THSD7B: variants seen among roughly 807,000 people sequenced by gnomAD.
THSD7B encodes the protein thrombospondin type-1 domain-containing protein 7B.
A neutral mutation model predicts 213.6 loss-of-function variants in THSD7B; 138 were observed. The ratio of observed to expected loss-of-function variants is 0.65; its 90% confidence interval spans 0.56 to 0.74. The LOEUF (loss-of-function observed/expected upper bound fraction) is 0.74. Ranked by LOEUF, THSD7B falls within the 30% of genes least tolerant of loss-of-function variation. The pLI, the probability that THSD7B is intolerant of heterozygous loss-of-function variation, is 0.00. For synonymous variants in THSD7B, 742 were observed against 687.0 expected, an observed-to-expected ratio of 1.08 and a Z score of -1.25; for missense variants, 1,931 against 1,991.5, an observed-to-expected ratio of 0.97 and a Z score of 0.58.
At chr2:137,668,788 T>C (rs62166264) in intron 27 of THSD7B, among the ~76,000 whole-genome samples, 24,190 of 151,974 alleles carry the variant, frequency 0.16, 2,245 homozygotes, top group East Asian at 0.38. Flanking sequence ...GAAAAGAAAA[T>C]GTAATTAAGA....
At chr2:137,362,560 C>CA (rs1192123893) in intron 12 of THSD7B, among the ~76,000 whole-genome samples, 57 of 148,268 alleles carry the variant, frequency 3.8e-4, no homozygotes, top group African/African-American at 1.2e-3. Context: ...AAATGGAAAG[C>CA]AAAAAAAAAG....
chr2:137,100,295 C>T (rs1403102717), intron 4 of THSD7B, among the ~76,000 whole-genome samples: 7 of 152,052 alleles, frequency 4.6e-5, no homozygotes, highest in Non-Finnish European at 5.9e-5. Context: ...GGCCTGTCAC[C>T]GTGTTAACCA....
intron 2 of THSD7B, among the ~76,000 whole-genome samples, chr2:136,938,011 A>G (rs1573721245): frequency 6.6e-6 from 1 of 152,172 alleles, no homozygotes; most frequent in Admixed American, 6.6e-5. Flanking sequence ...AGGATAAAGG[A>G]AAAATACGTA....
rs1374453487 is a variant in THSD7B at position 137,394,331 on chromosome 2, T to C, written c.2501-11282T>C. ...AAGGCTTTAATCCATCTTGAATTGA[T>C]TTTTGTATAAGGTGTAAGGAAGGGA... On this transcript the variant is annotated intron_variant, in intron 12 of 27. Coordinates refer to ENST00000409968, the MANE Select transcript of THSD7B (RefSeq NM_001316349.2). Among the ~76,000 whole-genome samples the C allele has an allele frequency of 7.0e-5, 9 of 128,338 alleles. 2 individuals carry two copies. The highest frequency in any genetic ancestry group is 2.6e-4 in the African/African-American group (9 of 34,942). The allele number at this position is 128,338 out of a possible 152,430, so 84.2% of individuals were successfully genotyped here.
intron 15 of THSD7B, among the ~76,000 whole-genome samples, chr2:137,495,264 T>C (rs1434132351): frequency 6.6e-6 from 1 of 152,194 alleles, no homozygotes; most frequent in Non-Finnish European, 1.5e-5. Context: ...TAATATTTCC[T>C]ATAGCCTGAC....
At chr2:136,986,010 T>C (rs1374335292) in intron 2 of THSD7B, among the ~76,000 whole-genome samples, 1 of 152,208 alleles carries the variant, frequency 6.6e-6, no homozygotes, top group Non-Finnish European at 1.5e-5. Context: ...CCCTTTCTTT[T>C]GACCAATTTC....
chr2:137,367,691 A>C (rs1685452470), intron 12 of THSD7B, among the ~76,000 whole-genome samples: 3 of 152,170 alleles, frequency 2.0e-5, no homozygotes, highest in Admixed American at 6.6e-5. Flanking sequence ...GGAGGCTGGA[A>C]GTCTGAGGTC....
intron 4 of THSD7B, among the ~76,000 whole-genome samples, chr2:137,111,037 A>G (rs1389206409): frequency 6.6e-6 from 1 of 152,154 alleles, no homozygotes; most frequent in East Asian, 1.9e-4. Context: ...AAAAGGATGA[A>G]ATTGCCTAGT....
intron 1 of THSD7B, among the ~76,000 whole-genome samples, chr2:136,825,709 G>A (rs1682634566): frequency 1.2e-5 from 1 of 86,884 alleles, no homozygotes; most frequent in East Asian, 1.0e-3. Flanking sequence ...TCACTGCCAT[G>A]CCTGGCTAAT....
intron 15 of THSD7B, among the ~76,000 whole-genome samples, chr2:137,552,979 T>C (rs780207960): frequency 3.3e-5 from 5 of 152,142 alleles, no homozygotes; most frequent in Non-Finnish European, 4.4e-5. Context: ...CTAGGCCTGA[T>C]GAGAGGCAAA....
rs1687174958 is a variant in THSD7B, at chr2:137,056,832, G to A, written c.552G>A (p.Glu184=). The change falls in exon 3 of 28, where the codon GAG becomes GAA. Residue 184 remains glutamate (E), a synonymous_variant. Transcript: ENST00000409968. ...GTCCCCGGGATTGTGTAGTATCTGAGTTCTTACCATGGTCCAACTGTAGCA... is the reference window on the plus strand; with the variant it reads ...GTCCCCGGGATTGTGTAGTATCTGAATTCTTACCATGGTCCAACTGTAGCA... ...IPCPRDCVVS[E]FLPWSNCSKG... The A allele has an allele frequency of 5.0e-6, 8 of 1,613,954 alleles. No homozygotes were observed. The highest frequency in any genetic ancestry group is 5.9e-6 in the Non-Finnish European group (7 of 1,179,884).
intron 10 of THSD7B, among the ~76,000 whole-genome samples, chr2:137,250,078 C>T (rs958361900): frequency 6.6e-6 from 1 of 152,166 alleles, no homozygotes; most frequent in Non-Finnish European, 1.5e-5. Flanking sequence ...ATTGTCTGTC[C>T]TGGTGCTCCT....
intron 7 of THSD7B, among the ~76,000 whole-genome samples, chr2:137,177,128 C>T (rs1398519372): frequency 2.6e-5 from 4 of 152,192 alleles, no homozygotes; most frequent in African/African-American, 7.2e-5. Context: ...TTTTGAACAA[C>T]CCTCAGTCTT....
chr2:137,501,213 T>C (rs1679695728), intron 15 of THSD7B, among the ~76,000 whole-genome samples: 2 of 152,186 alleles, frequency 1.3e-5, no homozygotes, highest in African/African-American at 4.8e-5. Context: ...TATTGACATA[T>C]GCAAATGTAT....
At chr2:137,653,837 G>A (rs1305917186) in intron 21 of THSD7B, among the ~76,000 whole-genome samples, 1 of 151,946 alleles carries the variant, frequency 6.6e-6, no homozygotes, top group Non-Finnish European at 1.5e-5. Context: ...TTATCTTGGA[G>A]ATCATAGAGT....
At chr2:137,457,342 G>T (rs1457613251) in intron 15 of THSD7B, among the ~76,000 whole-genome samples, 1 of 152,128 alleles carries the variant, frequency 6.6e-6, no homozygotes, top group Non-Finnish European at 1.5e-5. Flanking sequence ...CAAGGTATTT[G>T]CTATGCACCT....
In THSD7B at chr2:137,234,594, C is replaced by T. The variant is rs115797514; in HGVS notation, c.2150+1461C>T. On this transcript the variant is annotated intron_variant, in intron 9 of 27. Coordinates refer to ENST00000409968, the MANE Select transcript of THSD7B (RefSeq NM_001316349.2). ...ATAGCCTGGAACACTTGACCTTTCT[C>T]TTCTCCTAAATGTGGCTCCCAGAGT... Among the ~76,000 whole-genome samples, 458 of 152,292 alleles carry T rather than the reference C, an allele frequency of 3.0e-3. 4 individuals carry two copies. The highest frequency in any genetic ancestry group is 0.01 in the African/African-American group (436 of 41,556).
chr2:137,529,721 C>G (rs1202457386), intron 15 of THSD7B, among the ~76,000 whole-genome samples: 2 of 150,990 alleles, frequency 1.3e-5, no homozygotes, highest in African/African-American at 4.9e-5. Flanking sequence ...TTAAAAAAAT[C>G]ATCAGAAGAA....
At chr2:137,030,617 T>TA (rs1255665077) in intron 2 of THSD7B, among the ~76,000 whole-genome samples, 1 of 152,164 alleles carries the variant, frequency 6.6e-6, no homozygotes, top group Non-Finnish European at 1.5e-5. Flanking sequence ...AATGGTCTCT[T>TA]ACAGCAACTT....
Sources: gnomAD v4.1 joint callset for allele counts (sites outside exome capture counted in the v4.1 genomes callset) on GRCh38, gnomAD v4.1.1 for gene constraint, MANE v1.5 for transcripts, NCBI Gene and HGNC (gene_info 2026-07-23, HGNC 2026-07-21) for gene names.